The following LRRC7 variants were observed in gnomAD, a reference collection of about 807,000 sequenced individuals.
LRRC7 encodes the protein leucine-rich repeat-containing protein 7.
A neutral mutation model predicts 175.7 loss-of-function variants in LRRC7; 23 were observed. That is an observed-to-expected ratio of 0.13 (90% CI 0.09 to 0.19). The LOEUF (loss-of-function observed/expected upper bound fraction) is 0.19. Among genes scored for constraint, LRRC7 ranks in the 10% least tolerant of loss-of-function variants. LRRC7 has a pLI of 1.00. For synonymous variants in LRRC7, 685 were observed against 680.9 expected (o/e 1.01, Z -0.09); for missense variants, 1,354 against 1,904.7 (o/e 0.71, Z 5.38).
intron 25 of LRRC7, among the ~76,000 whole-genome samples, chr1:70,104,450 A>C (rs1665009192): frequency 6.6e-6 from 1 of 152,216 alleles, no homozygotes; most frequent in African/African-American, 2.4e-5. Context: ...TTTCACCTCC[A>C]CAAATAGTGA....
chr1:69,690,804 C>A (rs1408616583), intron 2 of LRRC7, among the ~76,000 whole-genome samples: 1 of 152,126 alleles, frequency 6.6e-6, no homozygotes, highest in Non-Finnish European at 1.5e-5. Context: ...AAGTTCTGGG[C>A]TGGGCTTTTT....
At chr1:69,937,272 T>C (rs1305358607) in intron 8 of LRRC7, among the ~76,000 whole-genome samples, 1 of 152,144 alleles carries the variant, frequency 6.6e-6, no homozygotes, top group Admixed American at 6.6e-5. Context: ...TATAATGTTT[T>C]GTCATTAATA....
chr1:69,988,733 C>G (rs1269760905), intron 10 of LRRC7, among the ~76,000 whole-genome samples: 3 of 152,146 alleles, frequency 2.0e-5, no homozygotes, highest in African/African-American at 7.2e-5. Context: ...AAGTGACAAG[C>G]TGGCTTGGAC....
intron 25 of LRRC7, among the ~76,000 whole-genome samples, chr1:70,095,946 C>T (rs945364221): frequency 1.3e-5 from 2 of 151,858 alleles, no homozygotes; most frequent in Admixed American, 1.3e-4. Flanking sequence ...TACCAAAGTA[C>T]ACATATATGC....
intron 7 of LRRC7, among the ~76,000 whole-genome samples, chr1:69,869,695 G>A (rs756191320): frequency 6.6e-6 from 1 of 152,130 alleles, no homozygotes; most frequent in Non-Finnish European, 1.5e-5. Flanking sequence ...AGACAGTAAA[G>A]TATGAGGTGA....
intron 2 of LRRC7, among the ~76,000 whole-genome samples, chr1:69,720,033 G>C (rs1357756969): frequency 6.6e-6 from 1 of 151,380 alleles, no homozygotes; most frequent in African/African-American, 2.4e-5. Context: ...GCATCTTATA[G>C]TAGCCTTCAT....
intron 1 of LRRC7, among the ~76,000 whole-genome samples, chr1:69,662,788 A>G (rs1016308920): frequency 1.3e-5 from 2 of 152,252 alleles, no homozygotes; most frequent in African/African-American, 4.8e-5. Context: ...ATGGCTATTG[A>G]AACCTTGATA....
chr1:69,994,707 C>T (rs1654764169), intron 11 of LRRC7, 74 bp downstream of exon 11: 1 of 985,258 alleles, frequency 1.0e-6, no homozygotes, highest in Non-Finnish European at 1.6e-6. Context: ...TTTTCTAATT[C>T]AAAACATTTT....
At chr1:69,648,548 T>C (rs1440839363) in intron 1 of LRRC7, among the ~76,000 whole-genome samples, 4 of 152,148 alleles carry the variant, frequency 2.6e-5, no homozygotes, top group African/African-American at 9.7e-5. Context: ...CCAGAGTATT[T>C]CTCTCCCACC....
chr1:69,817,216 G>C (rs973333851), intron 4 of LRRC7, among the ~76,000 whole-genome samples: 11 of 151,746 alleles, frequency 7.2e-5, no homozygotes, highest in Non-Finnish European at 1.3e-4. Context: ...TTTTATTCCA[G>C]AAGTTTTCAA....
At chr1:70,034,174 C>T (rs1659064303) in intron 18 of LRRC7, among the ~76,000 whole-genome samples, 2 of 152,086 alleles carry the variant, frequency 1.3e-5, no homozygotes, top group South Asian at 2.1e-4. Flanking sequence ...TTCTCAAACT[C>T]ATATCTTCTT....
intron 7 of LRRC7, among the ~76,000 whole-genome samples, chr1:69,880,110 G>A (rs1175974372): frequency 6.6e-6 from 1 of 152,124 alleles, no homozygotes; most frequent in African/African-American, 2.4e-5. Flanking sequence ...GCATACGCTG[G>A]GTAGGGGAGA....
chr1:70,032,573 C>G (rs770423934), intron 18 of LRRC7, among the ~76,000 whole-genome samples: 2 of 152,184 alleles, frequency 1.3e-5, no homozygotes, highest in Non-Finnish European at 2.9e-5. Context: ...TACCAAGATA[C>G]CTGTTCACCA....
rs754934916 is a variant in LRRC7 at position 69,717,841 on chromosome 1, A to AGAAAGAAGAAAGAAAGGAAAG, written c.100+39363_100+39364insGAAAGAAGAAAGAAAGGAAAG. 6.7e-4 allele frequency among the ~76,000 whole-genome samples: 13 copies of AGAAAGAAGAAAGAAAGGAAAG among 19,334 alleles called. 2 individuals are homozygous for AGAAAGAAGAAAGAAAGGAAAG. Among genetic ancestry groups the AGAAAGAAGAAAGAAAGGAAAG allele is most frequent in the East Asian group, 1.7e-3 (1 of 600 alleles). 12.7% of individuals were successfully genotyped at this position (19,334 alleles called of 152,430 possible). The stretch of plus-strand genomic sequence containing the variant: ...AAGAAAGAAAGAAAGAAAGAAAGAA[A>AGAAAGAAGAAAGAAAGGAAAG]AAAGAAAGAAAGGAAAGAAAGAAAG... On this transcript the variant is annotated intron_variant, in intron 2 of 26. Transcript: ENST00000651989.
rs1377304958 is a variant in LRRC7, at chr1:69,764,730, C to CAGACAGACAGATAGAT, written c.303+4340_303+4341insCAGACAGATAGATAGA. On this transcript the variant is annotated intron_variant, in intron 3 of 26. Coordinates refer to ENST00000651989, the MANE Select transcript of LRRC7 (RefSeq NM_001370785.2). Reference sequence around the variant, plus strand: ...ATAGATAGGTAGGTAGATAGATAGACAGATAGATAGATAGATAGATAGATA... The same window carrying CAGACAGACAGATAGAT: ...ATAGATAGGTAGGTAGATAGATAGACAGACAGACAGATAGATAGATAGATAGATAGATAGATAGATA... Among the ~76,000 whole-genome samples, 1,011 of 140,378 alleles carry CAGACAGACAGATAGAT rather than the reference C, an allele frequency of 7.2e-3. 8 individuals carry two copies. The highest frequency in any genetic ancestry group is 0.018 in the African/African-American group (688 of 37,462). The allele number at this position is 140,378 out of a possible 152,430, so 92.1% of individuals were successfully genotyped here.
At chr1:70,064,641 TG>T (rs139116952) in intron 23 of LRRC7, among the ~76,000 whole-genome samples, 25 of 138,572 alleles carry the variant, frequency 1.8e-4, no homozygotes, top group African/African-American at 5.9e-4. Context: ...CTTGGTATTT[TG>T]TTGTTGTTGT....
At chr1:69,934,902 T>A (rs776366416) in intron 8 of LRRC7, among the ~76,000 whole-genome samples, 1 of 152,076 alleles carries the variant, frequency 6.6e-6, no homozygotes, top group South Asian at 2.1e-4. Flanking sequence ...AAAAGAGGGC[T>A]GTTCTATAAA....
At chr1:69,878,285 AAAAAAAC>A (rs901131413) in intron 7 of LRRC7, among the ~76,000 whole-genome samples, 19 of 151,470 alleles carry the variant, frequency 1.3e-4, no homozygotes, top group African/African-American at 4.4e-4. Context: ...AGAAAAAAAA[AAAAAAAC>A]AAGAATGCTC....
chr1:69,863,389 G>C (rs759042465), intron 7 of LRRC7, among the ~76,000 whole-genome samples: 1 of 152,022 alleles, frequency 6.6e-6, no homozygotes, highest in Non-Finnish European at 1.5e-5. Context: ...TTAAAAACTT[G>C]TCCTTGAGAA....
Sources: allele counts gnomAD v4.1 joint callset (sites outside exome capture counted in the v4.1 genomes callset), GRCh38; gene constraint gnomAD v4.1.1; transcripts MANE v1.5; gene names NCBI Gene and HGNC (gene_info 2026-07-23, HGNC 2026-07-21).